The following PTPRD variants were observed in gnomAD, a reference collection of about 807,000 sequenced individuals.
PTPRD encodes receptor-type tyrosine-protein phosphatase delta.
Under a neutral mutation model 214.5 loss-of-function variants are expected in PTPRD, and 34 were observed. The ratio of observed to expected loss-of-function variants is 0.16; its 90% CI spans 0.12 to 0.21. PTPRD has a LOEUF of 0.21. Among genes scored for constraint, PTPRD ranks in the 10% least tolerant of loss-of-function variants. PTPRD has a pLI of 1.00. For synonymous variants in PTPRD, 1,128 were observed against 845.7 expected, an observed-to-expected ratio of 1.33 and a Z score of -5.79; for missense variants, 2,545 against 2,398.7, an observed-to-expected ratio of 1.06 and a Z score of -1.27.
At chr9:9,008,964 A>G (rs1278610761) in intron 11 of PTPRD, among the ~76,000 whole-genome samples, 1 of 152,180 alleles carries the variant, frequency 6.6e-6, no homozygotes, top group African/African-American at 2.4e-5. Context: ...GATATCATAT[A>G]AATACACTTA....
At chr9:9,040,579 A>AT (rs34499487) in intron 10 of PTPRD, among the ~76,000 whole-genome samples, 248 of 151,690 alleles carry the variant, frequency 1.6e-3, no homozygotes, top group Middle Eastern at 3.4e-3. Context: ...TTCCCGAAGA[A>AT]TTTTTTTTTT....
intron 3 of PTPRD, among the ~76,000 whole-genome samples, chr9:10,140,468 C>T (rs1195048475): frequency 6.6e-6 from 1 of 151,950 alleles, no homozygotes; most frequent in Non-Finnish European, 1.5e-5. Context: ...ATAGTATAAA[C>T]ACCTCTACGC....
At chr9:8,333,323 T>G (rs1357636533) in intron 43 of PTPRD, among the ~76,000 whole-genome samples, 1 of 152,172 alleles carries the variant, frequency 6.6e-6, no homozygotes, top group Non-Finnish European at 1.5e-5. Flanking sequence ...CCACAGTTGC[T>G]TTCAATAGCA....
chr9:8,786,618 T>A (rs1331603194), intron 11 of PTPRD, among the ~76,000 whole-genome samples: 1 of 151,494 alleles, frequency 6.6e-6, no homozygotes, highest in Non-Finnish European at 1.5e-5. Flanking sequence ...TTTCACCACG[T>A]TGGCGAGGCT....
At chr9:9,387,511 T>A (rs1478957502) in intron 9 of PTPRD, among the ~76,000 whole-genome samples, 2 of 152,138 alleles carry the variant, frequency 1.3e-5, no homozygotes, top group African/African-American at 4.8e-5. Flanking sequence ...TTTTGAAGGG[T>A]GGTTTCACTG....
At position 9,206,460 on chromosome 9, in the gene PTPRD, C is replaced by T. The variant is rs563108222; in HGVS notation, c.-202-23097G>A. Among the ~76,000 whole-genome samples the T allele has an allele frequency of 5.1e-4, 77 of 152,222 alleles. 1 individual carries two copies. Among genetic ancestry groups the T allele is most frequent in the African/African-American group, 1.0e-3 (42 of 41,546 alleles). On this transcript the variant is annotated intron_variant, in intron 9 of 45. Transcript: ENST00000381196. ...TGTGATGGTTAATATTGAGTGTCAA[C>T]TTGATTGGACTGAAGGATGCAAAGT...
In PTPRD at chr9:10,064,536, C is replaced by T. The variant is rs369127458; in HGVS notation, c.-544-30746G>A. ...CAGGGGATTGTGGTTAATGGTCTAT[C>T]ATTTTAAGCACCATCATCACAAATT... is the stretch of plus-strand genomic sequence containing the variant. On this transcript the variant is annotated intron_variant, in intron 3 of 45. Transcript: ENST00000381196. Among the ~76,000 whole-genome samples, 77 of 152,004 alleles carry T rather than the reference C, an allele frequency of 5.1e-4. 2 individuals carry two copies. In the East Asian group the frequency reaches 9.9e-3, roughly 20 times the overall value.
At chr9:10,495,433 T>C (rs1285257377) in intron 2 of PTPRD, among the ~76,000 whole-genome samples, 1 of 151,834 alleles carries the variant, frequency 6.6e-6, no homozygotes, top group African/African-American at 2.4e-5. Flanking sequence ...ATGGTGATAG[T>C]ATTTCTCACC....
intron 11 of PTPRD, among the ~76,000 whole-genome samples, chr9:8,752,842 C>G (rs183391957): frequency 6.6e-6 from 1 of 152,174 alleles, no homozygotes; most frequent in Non-Finnish European, 1.5e-5. Context: ...GCTCAAACTG[C>G]TGATCCAGAG....
chr9:10,264,834 T>C (rs1456818680), intron 3 of PTPRD, among the ~76,000 whole-genome samples: 1 of 152,018 alleles, frequency 6.6e-6, no homozygotes, highest in African/African-American at 2.4e-5. Flanking sequence ...GCTCCCATAA[T>C]CCCCACGTGT....
intron 36 of PTPRD, among the ~76,000 whole-genome samples, chr9:8,389,799 G>C (rs2088786595): frequency 6.6e-6 from 1 of 152,094 alleles, no homozygotes; most frequent in African/African-American, 2.4e-5. Flanking sequence ...GCCTGAGTCT[G>C]AAAATACAAA....
At chr9:8,697,417 C>CTTTTTTTTTTTTTTTTTTTTTTTGTTT (rs2097942831) in intron 12 of PTPRD, among the ~76,000 whole-genome samples, 3 of 63,240 alleles carry the variant, frequency 4.7e-5, no homozygotes, top group African/African-American at 1.3e-4. Flanking sequence ...TTTTTATGTA[C>CTTTTTTTTTTTTTTTTTTTTTTTGTTT]TTTTTTTTTT....
In PTPRD at chr9:8,702,887, G is replaced by T. The variant is rs536711819; in HGVS notation, c.64+30893C>A. ...CTCCCAAAGTGCTGGGATTACAGGC[G>T]TGAGCCACTGCGCCCGGCCATAAGA... On this transcript the variant is annotated intron_variant, in intron 12 of 45. Coordinates refer to ENST00000381196, the MANE Select transcript of PTPRD (RefSeq NM_002839.4). Among the ~76,000 whole-genome samples, 4 of 152,322 alleles carry T rather than the reference G, an allele frequency of 2.6e-5. No homozygotes were observed. The South Asian group carries it at 6.2e-4, about 24-fold the overall frequency.
At chr9:9,880,952 T>C (rs1252402990) in intron 5 of PTPRD, among the ~76,000 whole-genome samples, 1 of 152,198 alleles carries the variant, frequency 6.6e-6, no homozygotes, top group African/African-American at 2.4e-5. Flanking sequence ...ACAAAAATCT[T>C]TCCTTTTACC....
At chr9:9,877,037 T>C (rs1397595364) in intron 5 of PTPRD, among the ~76,000 whole-genome samples, 1 of 152,170 alleles carries the variant, frequency 6.6e-6, no homozygotes, top group Non-Finnish European at 1.5e-5. Context: ...AAGCCACTTA[T>C]TTAAGCTTTT....
chr9:9,141,705 T>C (rs1305450198), intron 10 of PTPRD, among the ~76,000 whole-genome samples: 1 of 150,428 alleles, frequency 6.6e-6, no homozygotes. Flanking sequence ...ATATTATAAA[T>C]ATATTATCTG....
intron 5 of PTPRD, among the ~76,000 whole-genome samples, chr9:9,822,093 C>A (rs1207090595): frequency 1.3e-5 from 2 of 151,590 alleles, no homozygotes; most frequent in Non-Finnish European, 2.9e-5. Flanking sequence ...ATCACATAAA[C>A]TCACTTGAAA....
rs2098718871 is a variant in PTPRD at position 10,114,962 on chromosome 9, T to C, written c.-544-81172A>G. Among the ~76,000 whole-genome samples the C allele has an allele frequency of 3.3e-5, 5 of 151,788 alleles. No homozygotes were observed. In the South Asian group the frequency reaches 1.0e-3, roughly 32 times the overall value. ...CTATTACCACTGTGCCTTACCCTGCTTGAAAGTTTATTACTTTTTAAAGGG... is the reference window on the plus strand; with the variant it reads ...CTATTACCACTGTGCCTTACCCTGCCTGAAAGTTTATTACTTTTTAAAGGG... On this transcript the variant is annotated intron_variant, in intron 3 of 45. Transcript: ENST00000381196.
intron 2 of PTPRD, among the ~76,000 whole-genome samples, chr9:10,459,836 A>G (rs1414708500): frequency 6.6e-6 from 1 of 151,874 alleles, no homozygotes; most frequent in Admixed American, 6.6e-5. Context: ...AAATAAATTT[A>G]TCAGTATTTT....
Sources: allele counts gnomAD v4.1 joint callset (sites outside exome capture counted in the v4.1 genomes callset), GRCh38; gene constraint gnomAD v4.1.1; transcripts MANE v1.5; gene names NCBI Gene and HGNC (gene_info 2026-07-23, HGNC 2026-07-21).